EIF4G3: variants seen among roughly 807,000 people sequenced by gnomAD.
EIF4G3 encodes the protein eukaryotic translation initiation factor 4 gamma 3, also known as eIF-4-gamma 3.
EIF4G3 carries 34 observed loss-of-function variants against 186.4 expected under a neutral mutation model. The observed-to-expected ratio is 0.18, with a 90% CI of 0.14 to 0.24. The LOEUF (loss-of-function observed/expected upper bound fraction) is 0.24. EIF4G3 is among the 10% of genes least tolerant of loss of function. The pLI, the probability that EIF4G3 is intolerant of heterozygous loss-of-function variation, is 1.00. For synonymous variants in EIF4G3, 673 were observed against 679.5 expected (o/e 0.99, Z 0.15); for missense variants, 1,536 against 1,948.5 (o/e 0.79, Z 3.99).
intron 2 of EIF4G3, among the ~76,000 whole-genome samples, chr1:21,134,425 T>C (rs2097203376): frequency 6.6e-6 from 1 of 152,084 alleles, no homozygotes; most frequent in Admixed American, 6.6e-5. Flanking sequence ...TCCCAACACT[T>C]TGGAGGGCCA....
At chr1:20,925,105 A>G (rs2094788549) in intron 14 of EIF4G3, among the ~76,000 whole-genome samples, 1 of 152,206 alleles carries the variant, frequency 6.6e-6, no homozygotes, top group Admixed American at 6.5e-5. Flanking sequence ...GCAAGCACAT[A>G]TATGTGTGCA....
chr1:21,078,929 A>G (rs931443078), intron 3 of EIF4G3, among the ~76,000 whole-genome samples: 1 of 152,152 alleles, frequency 6.6e-6, no homozygotes, highest in Non-Finnish European at 1.5e-5. Context: ...AGGCTGCAGT[A>G]AGCTGAGATC....
At chr1:21,060,624 T>C (rs1438401840) in intron 3 of EIF4G3, among the ~76,000 whole-genome samples, 2 of 152,058 alleles carry the variant, frequency 1.3e-5, no homozygotes, top group Non-Finnish European at 2.9e-5. Context: ...AGTTAAAAGC[T>C]ATCATGCCAG....
intron 4 of EIF4G3, chr1:21,003,894 G>A (rs2084292731): frequency 4.3e-6 from 1 of 234,196 alleles, no homozygotes; most frequent in African/African-American, 2.4e-5. Flanking sequence ...CAGTATTGCT[G>A]ACGCTCCTGA....
chr1:20,828,252 G>C (rs549248153), intron 31 of EIF4G3, among the ~76,000 whole-genome samples: 1 of 151,996 alleles, frequency 6.6e-6, no homozygotes, highest in Admixed American at 6.6e-5. Flanking sequence ...GGATGGTTTT[G>C]ATTTCCTGAC....
In EIF4G3 at chr1:20,880,516, G is replaced by A. The variant is rs143556255; in HGVS notation, c.2425-996C>T. On this transcript the variant is annotated intron_variant, in intron 19 of 36. Transcript: ENST00000602326. The stretch of plus-strand genomic sequence containing the variant: ...ACCTTTAATCTCAACTTGGGAGACC[G>A]AGGTTGGGTGGATCACTTGAGGCCA... Among the ~76,000 whole-genome samples, 193 of 152,288 alleles carry A rather than the reference G, an allele frequency of 1.3e-3. 2 individuals carry two copies. The highest frequency in any genetic ancestry group is 4.4e-3 in the African/African-American group (183 of 41,564).
chr1:20,989,963 G>A (rs2080702752), intron 7 of EIF4G3, among the ~76,000 whole-genome samples: 1 of 152,120 alleles, frequency 6.6e-6, no homozygotes, highest in African/African-American at 2.4e-5. Flanking sequence ...GATCACCTGA[G>A]GTCAGGAGTT....
chr1:21,092,631 C>G (rs1489393127), intron 2 of EIF4G3, among the ~76,000 whole-genome samples: 1 of 152,074 alleles, frequency 6.6e-6, no homozygotes, highest in South Asian at 2.1e-4. Flanking sequence ...AAAAAGGGCC[C>G]GCACTGCCAA....
Position 21,090,598 on chromosome 1 carries a change from C to T in EIF4G3, c.-271-1385G>A, listed in dbSNP as rs1464800334. Reference sequence around the variant, plus strand: ...GCACTGGGGTTGTTTACAGTCAGTACCTCCTTAAAAGGTGGATTTGCACAA... The same window carrying T: ...GCACTGGGGTTGTTTACAGTCAGTATCTCCTTAAAAGGTGGATTTGCACAA... On this transcript the variant is annotated intron_variant, in intron 2 of 36. Coordinates refer to ENST00000602326, the MANE Select transcript of EIF4G3 (RefSeq NM_001391906.1). Among the ~76,000 whole-genome samples, 4 of 152,112 alleles carry T rather than the reference C, an allele frequency of 2.6e-5. No homozygotes were observed. In the East Asian group the frequency reaches 7.7e-4, roughly 29 times the overall value.
At chr1:20,909,068 C>A (rs2092756793) in intron 14 of EIF4G3, among the ~76,000 whole-genome samples, 1 of 151,850 alleles carries the variant, frequency 6.6e-6, no homozygotes, top group African/African-American at 2.4e-5. Flanking sequence ...AGGAGAATCG[C>A]TTGAACCTGG....
chr1:20,862,200 G>A (rs528471530), intron 23 of EIF4G3, 28 bp downstream of exon 23: 2 of 1,333,232 alleles, frequency 1.5e-6, no homozygotes, highest in African/African-American at 2.9e-5. Flanking sequence ...GGACCAGCAG[G>A]CTTATTATTA....
rs1245805376 is a variant in EIF4G3 at position 21,093,293 on chromosome 1, T to C, written c.-271-4080A>G. Among the ~76,000 whole-genome samples the C allele has an allele frequency of 3.9e-5, 6 of 152,174 alleles. No individual in the cohort carries two copies. The East Asian group carries it at 1.2e-3, about 29-fold the overall frequency. On this transcript the variant is annotated intron_variant, in intron 2 of 36. Transcript: ENST00000602326. ...ACCCCATCACAAAGTGGGCAAAGGA[T>C]ATGAACAGACACTTCTCAAAAGAAG...
intron 15 of EIF4G3, 43 bp from the exon 16 acceptor site, chr1:20,899,986 G>A: frequency 6.4e-7 from 1 of 1,562,920 alleles, no homozygotes; most frequent in South Asian, 1.2e-5. Context: ...TTTTCCACGG[G>A]TGTAAATATA....
At chr1:20,816,863 T>C (rs2061124898) in intron 34 of EIF4G3, among the ~76,000 whole-genome samples, 1 of 102,440 alleles carries the variant, frequency 9.8e-6, no homozygotes, top group Non-Finnish European at 2.1e-5. Flanking sequence ...TAGAAAGAAG[T>C]AGACATGGGA....
At chr1:21,147,113 C>A (rs2097456353) in intron 2 of EIF4G3, among the ~76,000 whole-genome samples, 1 of 151,080 alleles carries the variant, frequency 6.6e-6, no homozygotes, top group Admixed American at 6.6e-5. Context: ...ATACAAAAAA[C>A]TAGCCAGGCA....
intron 12 of EIF4G3, among the ~76,000 whole-genome samples, chr1:20,965,209 G>C (rs2154564997): frequency 6.6e-6 from 1 of 152,178 alleles, no homozygotes; most frequent in Admixed American, 6.5e-5. Context: ...GACCAAATTA[G>C]ATAAAAATCA....
At chr1:21,029,824 A>C (rs748959392) in intron 4 of EIF4G3, among the ~76,000 whole-genome samples, 11 of 152,126 alleles carry the variant, frequency 7.2e-5, no homozygotes, top group Non-Finnish European at 1.3e-4. Flanking sequence ...AAAAGGAACA[A>C]AGACTATGGT....
At chr1:21,153,695 GCTGGGAT>G (rs2097585143) in intron 2 of EIF4G3, among the ~76,000 whole-genome samples, 1 of 152,102 alleles carries the variant, frequency 6.6e-6, no homozygotes, top group African/African-American at 2.4e-5. Flanking sequence ...CTCCTGAGTA[GCTGGGAT>G]TATAGGTATG....
At chr1:21,108,661 C>A (rs2096659688) in intron 2 of EIF4G3, among the ~76,000 whole-genome samples, 1 of 146,414 alleles carries the variant, frequency 6.8e-6, no homozygotes, top group African/African-American at 2.5e-5. Flanking sequence ...CCCAGCACTT[C>A]GGGAGGCCAA....
Sources: gnomAD v4.1 joint callset for allele counts (sites outside exome capture counted in the v4.1 genomes callset) on GRCh38, gnomAD v4.1.1 for gene constraint, MANE v1.5 for transcripts, NCBI Gene and HGNC (gene_info 2026-07-23, HGNC 2026-07-21) for gene names.